Variants in SSX2IP observed in about 807,000 individuals in gnomAD.
The protein encoded by SSX2IP is SSX family member 2 interacting protein.
SSX2IP carries 55 observed loss-of-function variants against 84.9 expected under a neutral mutation model. The observed-to-expected ratio is 0.65, with a 90% CI of 0.52 to 0.81. SSX2IP has a LOEUF of 0.81. Among genes scored for constraint, SSX2IP ranks in the 30% least tolerant of loss-of-function variants. The pLI, the probability that SSX2IP is intolerant of heterozygous loss-of-function variation, is 0.00. For missense variants in SSX2IP, 664 were observed against 705.2 expected (o/e 0.94, Z 0.66); for synonymous variants, 239 against 234.7 (o/e 1.02, Z -0.17).
At chr1:84,658,604 G>A in intron 8 of SSX2IP, 136 bp from the exon 9 acceptor site, 3 of 978,534 alleles carry the variant, frequency 3.1e-6, no homozygotes, top group Non-Finnish European at 4.3e-6. Flanking sequence ...ATGCATATAT[G>A]GCCCAGTATT....
In SSX2IP at chr1:84,647,348, A is replaced by G. The variant is rs1051163966; in HGVS notation, c.*85T>C. 9 of 1,224,572 alleles carry G rather than the reference A, an allele frequency of 7.3e-6. No individual in the cohort carries two copies. The highest frequency in any genetic ancestry group is 1.0e-5 in the Non-Finnish European group (9 of 897,534). The allele number at this position is 1,224,572 out of a possible 1,614,324, so 75.9% of individuals were successfully genotyped here. ...CTCAGACCATCTTAAGTTATTAGAG[A>G]TAACTGACTTTATGACACACCCTGT... On this transcript the variant is annotated 3_prime_UTR_variant, in exon 14 of 14. Coordinates refer to ENST00000342203, the MANE Select transcript of SSX2IP (RefSeq NM_001166293.2).
chr1:84,676,222 C>A (rs1027238293), intron 1 of SSX2IP, among the ~76,000 whole-genome samples: 10 of 152,168 alleles, frequency 6.6e-5, no homozygotes, highest in Admixed American at 5.9e-4. Flanking sequence ...ACCTGAAATA[C>A]ATCAAAGCAA....
intron 1 of SSX2IP, among the ~76,000 whole-genome samples, chr1:84,681,083 T>C (rs988745553): frequency 2.6e-5 from 4 of 152,184 alleles, no homozygotes; most frequent in East Asian, 1.9e-4. Flanking sequence ...TTTTTTAAGA[T>C]AGTCAATTAT....
Position 84,659,367 on chromosome 1 carries a change from G to A in SSX2IP, c.928-899C>T, listed in dbSNP as rs375598907. Reference sequence around the variant, plus strand: ...GGTCTCTGAGGCGGAGCAGACAGGGGAATGGCCCAGGATCCGGCTCATGGT... The same window carrying A: ...GGTCTCTGAGGCGGAGCAGACAGGGAAATGGCCCAGGATCCGGCTCATGGT... On this transcript the variant is annotated intron_variant, in intron 8 of 13. Coordinates refer to ENST00000342203, the MANE Select transcript of SSX2IP (RefSeq NM_001166293.2). 2.0e-5 allele frequency among the ~76,000 whole-genome samples: 3 copies of A among 152,264 alleles called. No individual in the cohort carries two copies. The East Asian group carries it at 5.8e-4, about 29-fold the overall frequency.
At chr1:84,662,781 T>C (rs982121328) in intron 6 of SSX2IP, among the ~76,000 whole-genome samples, 1 of 152,150 alleles carries the variant, frequency 6.6e-6, no homozygotes, top group African/African-American at 2.4e-5. Context: ...AAAGAGTTGT[T>C]GAGAAGACAA....
At position 84,666,058 on chromosome 1, in the gene SSX2IP, C is replaced by A; in HGVS notation, c.537+64G>T. The A allele has an allele frequency of 2.5e-6, 3 of 1,205,170 alleles. No homozygotes were observed. In the South Asian group the frequency reaches 3.9e-5, roughly 16 times the overall value. The allele number at this position is 1,205,170 out of a possible 1,614,324, so 74.7% of individuals were successfully genotyped here. A position where few individuals can be genotyped will look rare whatever the true frequency, so the allele number is the denominator to read the frequency against. On this transcript the variant is annotated intron_variant, in intron 5 of 13. Transcript: ENST00000342203. ...TTTCAAGTAAAGTGGCTCTTATGGTCATCTCATATTACAAAGAAAACAAAA... is the reference window on the plus strand; with the variant it reads ...TTTCAAGTAAAGTGGCTCTTATGGTAATCTCATATTACAAAGAAAACAAAA...
chr1:84,676,025 C>T (rs1330178908), intron 1 of SSX2IP, among the ~76,000 whole-genome samples: 1 of 152,216 alleles, frequency 6.6e-6, no homozygotes, highest in African/African-American at 2.4e-5. Context: ...GTCAGGTCCT[C>T]CTGAGGCTGT....
intron 1 of SSX2IP, among the ~76,000 whole-genome samples, chr1:84,683,285 T>C (rs901771106): frequency 6.6e-6 from 1 of 152,116 alleles, no homozygotes; most frequent in African/African-American, 2.4e-5. Flanking sequence ...TCAAGCTGCT[T>C]TTTCAAACCG....
rs189979998 is a variant in SSX2IP at position 84,647,776 on chromosome 1, T to A, written c.1671-169A>T. ...GGAAAAAAAAAACGGCTGGGAGCAG[T>A]AGCTCACACTTGTAATCCTAGCACT... is the stretch of plus-strand genomic sequence containing the variant. On this transcript the variant is annotated intron_variant, in intron 13 of 13. Coordinates refer to ENST00000342203, the MANE Select transcript of SSX2IP (RefSeq NM_001166293.2). 5.3e-5 allele frequency among the ~76,000 whole-genome samples: 8 copies of A among 150,918 alleles called. No homozygotes were observed. The East Asian group carries it at 1.4e-3, about 26-fold the overall frequency.
At chr1:84,675,620 T>C (rs1357829899) in intron 1 of SSX2IP, among the ~76,000 whole-genome samples, 2 of 152,222 alleles carry the variant, frequency 1.3e-5, no homozygotes, top group African/African-American at 2.4e-5. Flanking sequence ...TGATAGCTTA[T>C]TTTCCAACGT....
intron 1 of SSX2IP, among the ~76,000 whole-genome samples, chr1:84,674,698 G>A (rs931088553): frequency 1.3e-5 from 2 of 152,064 alleles, no homozygotes; most frequent in Admixed American, 1.3e-4. Context: ...ATTGTTCCCT[G>A]CCCTATTAAT....
At position 84,670,658 on chromosome 1, in the gene SSX2IP, T is replaced by A. The variant is rs1335254485; in HGVS notation, c.201A>T (p.Ser67=). The A allele has an allele frequency of 2.5e-6, 4 of 1,601,986 alleles. No individual in the cohort carries two copies. The highest frequency in any genetic ancestry group is 1.7e-5 in the Admixed American group (1 of 58,794). ...CTEDNIEQSI[S]YLDQELTTFG... ...AAAAACATGTTACCTGATCAAGATATGAGATACTCTGTTCAATATTATCTT... is the reference window on the plus strand; with the variant it reads ...AAAAACATGTTACCTGATCAAGATAAGAGATACTCTGTTCAATATTATCTT... Residue 67 remains serine (S), a synonymous_variant, in exon 3 of 14, where the codon TCA becomes TCT. Coordinates refer to ENST00000342203, the MANE Select transcript of SSX2IP (RefSeq NM_001166293.2).
intron 8 of SSX2IP, among the ~76,000 whole-genome samples, chr1:84,659,996 C>A (rs1651703089): frequency 6.6e-6 from 1 of 151,690 alleles, no homozygotes; most frequent in Non-Finnish European, 1.5e-5. Flanking sequence ...CAAGACCCTG[C>A]CTCTAAAAAA....
chr1:84,683,443 T>G (rs1014851687), intron 1 of SSX2IP, among the ~76,000 whole-genome samples: 1 of 152,208 alleles, frequency 6.6e-6, no homozygotes, highest in African/African-American at 2.4e-5. Flanking sequence ...TTGAAAAACC[T>G]AGCAAATATA....
intron 1 of SSX2IP, among the ~76,000 whole-genome samples, chr1:84,683,654 AG>A (rs1050936786): frequency 6.6e-6 from 1 of 152,218 alleles, no homozygotes; most frequent in African/African-American, 2.4e-5. Context: ...GTTGGAGCCC[AG>A]TCAAGATTGC....
chr1:84,681,509 G>A (rs1289609604), intron 1 of SSX2IP, among the ~76,000 whole-genome samples: 1 of 152,168 alleles, frequency 6.6e-6, no homozygotes, highest in Non-Finnish European at 1.5e-5. Context: ...TGTCACAAAT[G>A]ACACTTCTTG....
At chr1:84,682,779 G>C (rs539840111) in intron 1 of SSX2IP, among the ~76,000 whole-genome samples, 4 of 152,260 alleles carry the variant, frequency 2.6e-5, no homozygotes, top group African/African-American at 9.6e-5. Flanking sequence ...GGGATTACAG[G>C]TGTGAGCCAT....
intron 11 of SSX2IP, chr1:84,655,511 A>G (rs1255164902): frequency 1.5e-6 from 2 of 1,332,512 alleles, no homozygotes; most frequent in Admixed American, 4.5e-5. Flanking sequence ...TTCTGACACC[A>G]CACCTACTGA....
chr1:84,671,035 T>C lies in SSX2IP; in HGVS notation c.43+142A>G, dbSNP rs113414728. On this transcript the variant is annotated intron_variant, in intron 2 of 13. Coordinates refer to ENST00000342203, the MANE Select transcript of SSX2IP (RefSeq NM_001166293.2). ...GATACAAATACAGTGGTGTTCTCAG[T>C]AGACATGAAAATAAGTATTTTACAA... The C allele has an allele frequency of 1.3e-3, 1,413 of 1,076,446 alleles. 22 individuals are homozygous for C. In the African/African-American group the frequency reaches 0.02, roughly 15 times the overall value. The allele number at this position is 1,076,446 out of a possible 1,614,324, so 66.7% of individuals were successfully genotyped here. A position where few individuals can be genotyped will look rare whatever the true frequency, so the allele number is the denominator to read the frequency against.
Sources: allele counts gnomAD v4.1 joint callset (sites outside exome capture counted in the v4.1 genomes callset), GRCh38; gene constraint gnomAD v4.1.1; transcripts MANE v1.5; gene names NCBI Gene and HGNC (gene_info 2026-07-23, HGNC 2026-07-21).